MAPKAP1: variants seen among roughly 807,000 people sequenced by gnomAD.
MAPKAP1 encodes MAPK associated protein 1.
MAPKAP1 carries 20 observed loss-of-function variants against 65.7 expected under a neutral mutation model. That is an observed-to-expected ratio of 0.30 (90% confidence interval 0.21 to 0.44). The LOEUF is 0.44. Ranked by LOEUF, MAPKAP1 falls within the 20% of genes least tolerant of loss-of-function variation. The probability of loss-of-function intolerance (pLI) is 1.00; values close to 1 mark genes in which losing one functional copy is unlikely to be tolerated. For missense variants in MAPKAP1, 423 were observed against 648.0 expected (o/e 0.65, Z 3.77); for synonymous variants, 222 against 244.3 (o/e 0.91, Z 0.85).
intron 7 of MAPKAP1, among the ~76,000 whole-genome samples, chr9:125,537,465 G>A (rs1221289003): frequency 6.6e-6 from 1 of 152,060 alleles, no homozygotes; most frequent in Admixed American, 6.5e-5. Context: ...TCCTCCCATG[G>A]CACACAAATC....
Position 125,468,009 on chromosome 9 carries a change from C to G in MAPKAP1, c.1308G>C (p.Leu436=). The change falls in exon 10 of 12, where the codon CTG becomes CTC. Residue 436 remains leucine (L), a synonymous_variant. Coordinates refer to ENST00000265960, the MANE Select transcript of MAPKAP1 (RefSeq NM_001006617.3). ...CTTCAGCAAGGTCACAGGCACAGAG[C>G]AGGTCGGAATCGATTGAGATGGGTT... ...KQKPISIDSD[L]LCACDLAEEK... 2 of 1,614,174 alleles carry G rather than the reference C, an allele frequency of 1.2e-6. No homozygotes were observed. The highest frequency in any genetic ancestry group is 1.7e-6 in the Non-Finnish European group (2 of 1,180,022).
At chr9:125,594,368 G>A (rs997478662) in intron 4 of MAPKAP1, among the ~76,000 whole-genome samples, 4 of 152,182 alleles carry the variant, frequency 2.6e-5, no homozygotes, top group Non-Finnish European at 4.4e-5. Context: ...ACACTGAACA[G>A]TAATTAAGAG....
At chr9:125,468,214 C>A in intron 9 of MAPKAP1, 105 bp from the exon 10 acceptor site, 1 of 1,227,834 alleles carries the variant, frequency 8.1e-7, no homozygotes, top group South Asian at 1.4e-5. Flanking sequence ...ATTGCATGAA[C>A]GTGAGCTCTT....
At chr9:125,628,021 TC>T (rs1322917658) in intron 4 of MAPKAP1, among the ~76,000 whole-genome samples, 1 of 152,100 alleles carries the variant, frequency 6.6e-6, no homozygotes, top group African/African-American at 2.4e-5. Context: ...AATGTTAGGG[TC>T]TGTGGAGTTG....
Position 125,669,722 on chromosome 9 carries a change from C to T in MAPKAP1, c.349+96G>A, listed in dbSNP as rs1588057223. The T allele has an allele frequency of 1.2e-5, 7 of 596,624 alleles. No individual in the cohort carries two copies. In the East Asian group the frequency reaches 2.3e-4, roughly 20 times the overall value. 37.0% of individuals were successfully genotyped at this position (596,624 alleles called of 1,614,324 possible). A position where few individuals can be genotyped will look rare whatever the true frequency, so the allele number is the denominator to read the frequency against. On this transcript the variant is annotated intron_variant, in intron 3 of 11. Transcript: ENST00000265960. ...TCAAAACACTAGAGGTATCTAAGTC[C>T]AGAGGATTTAAAAGGATGAATTAAA...
intron 8 of MAPKAP1, among the ~76,000 whole-genome samples, chr9:125,489,374 T>C (rs941516633): frequency 1.3e-5 from 2 of 152,174 alleles, no homozygotes; most frequent in Non-Finnish European, 2.9e-5. Flanking sequence ...GACTTCACAA[T>C]GTATTTTGTC....
intron 1 of MAPKAP1, among the ~76,000 whole-genome samples, chr9:125,700,717 C>T (rs761862162): frequency 4.6e-5 from 7 of 152,196 alleles, no homozygotes; most frequent in Non-Finnish European, 8.8e-5. Flanking sequence ...GATTTATTCC[C>T]TTTATTTTTA....
chr9:125,455,477 A>G (rs1853128359), intron 10 of MAPKAP1, among the ~76,000 whole-genome samples: 1 of 152,232 alleles, frequency 6.6e-6, no homozygotes, highest in African/African-American at 2.4e-5. Flanking sequence ...AAAACTGAGG[A>G]TACTTTGTAG....
intron 4 of MAPKAP1, among the ~76,000 whole-genome samples, chr9:125,594,621 C>T (rs1368667123): frequency 1.3e-5 from 2 of 152,118 alleles, no homozygotes; most frequent in East Asian, 3.8e-4. Context: ...AAATAAATTC[C>T]CTCTTCTCTC....
At chr9:125,638,800 C>T (rs187315525) in intron 4 of MAPKAP1, among the ~76,000 whole-genome samples, 1 of 152,310 alleles carries the variant, frequency 6.6e-6, no homozygotes, top group African/African-American at 2.4e-5. Context: ...ATGGCTACAG[C>T]TGCAAATATT....
chr9:125,635,669 T>C (rs932946106), intron 4 of MAPKAP1, among the ~76,000 whole-genome samples: 1 of 152,206 alleles, frequency 6.6e-6, no homozygotes, highest in Middle Eastern at 3.2e-3. Flanking sequence ...AAAAGCAGAA[T>C]GCAAAACTAC....
At position 125,624,417 on chromosome 9, in the gene MAPKAP1, C is replaced by T. The variant is rs1442601509; in HGVS notation, c.498+33234G>A. On this transcript the variant is annotated intron_variant, in intron 4 of 11. Coordinates refer to ENST00000265960, the MANE Select transcript of MAPKAP1 (RefSeq NM_001006617.3). Reference sequence around the variant, plus strand: ...CGGCCCCCATCCCGGCCAGCCGCCCCGTCCGGGAGGGAGGTGGGGGGGGTC... The same window carrying T: ...CGGCCCCCATCCCGGCCAGCCGCCCTGTCCGGGAGGGAGGTGGGGGGGGTC... 8.8e-5 allele frequency among the ~76,000 whole-genome samples: 9 copies of T among 102,058 alleles called. 1 individual carries two copies. Among genetic ancestry groups the T allele is most frequent in the African/African-American group, 3.2e-4 (9 of 28,142 alleles). 67.0% of individuals were successfully genotyped at this position (102,058 alleles called of 152,430 possible).
At chr9:125,524,498 G>T (rs2133122526) in intron 7 of MAPKAP1, among the ~76,000 whole-genome samples, 1 of 152,076 alleles carries the variant, frequency 6.6e-6, no homozygotes, top group South Asian at 2.1e-4. Context: ...GTAAGAAGCT[G>T]AATTATATAT....
At chr9:125,698,424 G>A (rs925248198) in intron 1 of MAPKAP1, among the ~76,000 whole-genome samples, 2 of 148,604 alleles carry the variant, frequency 1.3e-5, no homozygotes, top group African/African-American at 5.0e-5. Flanking sequence ...GGCAACCTCC[G>A]ACTCCCGGGT....
rs769167581 is a variant in MAPKAP1 at position 125,506,233 on chromosome 9, T to C, written c.1066+77A>G. 4.0e-6 allele frequency: 5 copies of C among 1,248,548 alleles called. No homozygotes were observed. In the African/African-American group the frequency reaches 7.5e-5, roughly 19 times the overall value. 77.3% of individuals were successfully genotyped at this position (1,248,548 alleles called of 1,614,324 possible). Reference sequence around the variant, plus strand: ...AATCTGCCTAGGGAAACCAGACCAGTGAGCGTTTCCAAACACATGACTTCT... The same window carrying C: ...AATCTGCCTAGGGAAACCAGACCAGCGAGCGTTTCCAAACACATGACTTCT... On this transcript the variant is annotated intron_variant, in intron 8 of 11. Transcript: ENST00000265960.
At chr9:125,456,557 T>G (rs917166915) in intron 10 of MAPKAP1, among the ~76,000 whole-genome samples, 1 of 152,200 alleles carries the variant, frequency 6.6e-6, no homozygotes, top group Non-Finnish European at 1.5e-5. Flanking sequence ...ATGAATAATA[T>G]AGCAGAAGCG....
chr9:125,501,958 A>G (rs1828994227), intron 8 of MAPKAP1, among the ~76,000 whole-genome samples: 2 of 150,512 alleles, frequency 1.3e-5, no homozygotes, highest in South Asian at 2.1e-4. Flanking sequence ...CAAAGAACCA[A>G]CTCTTGATTC....
At chr9:125,600,677 T>C (rs976981580) in intron 4 of MAPKAP1, among the ~76,000 whole-genome samples, 4 of 152,198 alleles carry the variant, frequency 2.6e-5, no homozygotes, top group African/African-American at 9.7e-5. Context: ...TCTATCTTAA[T>C]TATTTTGAGA....
At chr9:125,546,036 C>T (rs1830412526) in intron 6 of MAPKAP1, among the ~76,000 whole-genome samples, 1 of 152,200 alleles carries the variant, frequency 6.6e-6, no homozygotes, top group Admixed American at 6.5e-5. Context: ...ATAAGTGAAC[C>T]ACCCGTGAAT....
Sources: gnomAD v4.1 joint callset for allele counts (sites outside exome capture counted in the v4.1 genomes callset) on GRCh38, gnomAD v4.1.1 for gene constraint, MANE v1.5 for transcripts, NCBI Gene and HGNC (gene_info 2026-07-23, HGNC 2026-07-21) for gene names.